Variants in ZC3H7B observed in about 807,000 individuals in gnomAD.
ZC3H7B encodes zinc finger CCCH domain-containing protein 7B.
Under a neutral mutation model 116.0 loss-of-function variants are expected in ZC3H7B, and 35 were observed. The ratio of observed to expected loss-of-function variants is 0.30; its 90% CI spans 0.23 to 0.40. ZC3H7B has a LOEUF of 0.40. Among genes scored for constraint, ZC3H7B ranks in the 10% least tolerant of loss-of-function variants. ZC3H7B has a pLI of 1.00. For synonymous variants in ZC3H7B, 502 were observed against 545.6 expected, an observed-to-expected ratio of 0.92 and a Z score of 1.11; for missense variants, 1,011 against 1,321.5, an observed-to-expected ratio of 0.77 and a Z score of 3.64.
chr22:41,305,901 C>T (rs2036035261), intron 1 of ZC3H7B, among the ~76,000 whole-genome samples: 1 of 152,126 alleles, frequency 6.6e-6, no homozygotes, highest in African/African-American at 2.4e-5. Flanking sequence ...ACACACTCAG[C>T]CATTGTGTTG....
At chr22:41,343,966 G>A (rs1363108488) in intron 13 of ZC3H7B, among the ~76,000 whole-genome samples, 2 of 152,200 alleles carry the variant, frequency 1.3e-5, no homozygotes, top group African/African-American at 4.8e-5. Context: ...CTGGCGCATG[G>A]TGAGGGCTCC....
intron 1 of ZC3H7B, among the ~76,000 whole-genome samples, chr22:41,313,779 G>C (rs567028242): frequency 6.6e-6 from 1 of 152,066 alleles, no homozygotes; most frequent in Non-Finnish European, 1.5e-5. Flanking sequence ...GTCTCTCTCT[G>C]TCGCTCAGGC....
chr22:41,305,895 A>G lies in ZC3H7B; in HGVS notation c.-7+4123A>G, dbSNP rs190863614. Among the ~76,000 whole-genome samples, 23 of 152,254 alleles carry G rather than the reference A, an allele frequency of 1.5e-4. No individual in the cohort carries two copies. The East Asian group carries it at 3.7e-3, about 24-fold the overall frequency. On this transcript the variant is annotated intron_variant, in intron 1 of 22. Coordinates refer to ENST00000352645, the MANE Select transcript of ZC3H7B (RefSeq NM_017590.6). ...CCCAGAGGCGGTGCCAGGATGACAC[A>G]CTCAGCCATTGTGTTGTCAAATTGA...
At chr22:41,353,072 T>C (rs931704832) in intron 17 of ZC3H7B, among the ~76,000 whole-genome samples, 1 of 148,930 alleles carries the variant, frequency 6.7e-6, no homozygotes, top group Non-Finnish European at 1.5e-5. Flanking sequence ...AGAGTGAGAC[T>C]CCATCTCAAA....
In ZC3H7B at chr22:41,316,592, T is replaced by TG. The variant is rs1397782703; in HGVS notation, c.-6-4061dup. Among the ~76,000 whole-genome samples, 58 of 120,470 alleles carry TG rather than the reference T, an allele frequency of 4.8e-4. 1 individual carries two copies. Among genetic ancestry groups the TG allele is most frequent in the Admixed American group, 1.5e-3 (15 of 10,040 alleles). 79.0% of individuals were successfully genotyped at this position (120,470 alleles called of 152,430 possible). A position where few individuals can be genotyped will look rare whatever the true frequency, so the allele number is the denominator to read the frequency against. Reference sequence around the variant, plus strand: ...CTTAACAGCTGTAAGCCACCACACCTGGCCTTTTTTTTTTTTTTTTTTTTG... The same window carrying TG: ...CTTAACAGCTGTAAGCCACCACACCTGGGCCTTTTTTTTTTTTTTTTTTTTG... On this transcript the variant is annotated intron_variant, in intron 1 of 22. Coordinates refer to ENST00000352645, the MANE Select transcript of ZC3H7B (RefSeq NM_017590.6).
At chr22:41,320,815 T>A in intron 2 of ZC3H7B, 102 bp downstream of exon 2, 1 of 1,513,708 alleles carries the variant, frequency 6.6e-7, no homozygotes, top group Non-Finnish European at 9.1e-7. Flanking sequence ...GCTGAGCCTT[T>A]GCTGCCAAGG....
chr22:41,348,981 G>A (rs1012109503), intron 15 of ZC3H7B, 139 bp from the exon 16 acceptor site: 24 of 946,204 alleles, frequency 2.5e-5, no homozygotes, highest in Admixed American at 4.8e-5. Context: ...GCCCTCCTGT[G>A]TCATCCATGG....
intron 11 of ZC3H7B, 92 bp downstream of exon 11, chr22:41,341,238 G>T: frequency 6.8e-7 from 1 of 1,478,848 alleles, no homozygotes; most frequent in Non-Finnish European, 9.4e-7. Flanking sequence ...CATGGGGTAA[G>T]GCACTGCATT....
intron 11 of ZC3H7B, among the ~76,000 whole-genome samples, chr22:41,342,180 A>G (rs889588091): frequency 6.6e-6 from 1 of 151,434 alleles, no homozygotes; most frequent in Non-Finnish European, 1.5e-5. Context: ...GACTTGGGGG[A>G]TTGGGGGAGG....
chr22:41,337,512 C>T (rs2145926543), intron 7 of ZC3H7B, among the ~76,000 whole-genome samples: 1 of 152,350 alleles, frequency 6.6e-6, no homozygotes, highest in Admixed American at 6.5e-5. Flanking sequence ...TTTCCTCCAG[C>T]AGGAAGGCAG....
At chr22:41,317,030 TAGAG>T (rs1408701535) in intron 1 of ZC3H7B, among the ~76,000 whole-genome samples, 5 of 152,062 alleles carry the variant, frequency 3.3e-5, no homozygotes, top group Admixed American at 6.6e-5. Context: ...GTATTCTTAG[TAGAG>T]ACAGTGTTTC....
chr22:41,324,278 G>A (rs1341904108), intron 2 of ZC3H7B, among the ~76,000 whole-genome samples: 1 of 152,164 alleles, frequency 6.6e-6, no homozygotes, highest in Non-Finnish European at 1.5e-5. Flanking sequence ...GGGCTGGTGA[G>A]CCCCGATGTC....
In ZC3H7B at chr22:41,358,803, C is replaced by G. The variant is rs1009992523; in HGVS notation, c.*1374C>G. Reference sequence around the variant, plus strand: ...TCCTCTCCACCCTACCTTCCATCAACCAGGGCAGATCCACCGTGCCCTGGT... The same window carrying G: ...TCCTCTCCACCCTACCTTCCATCAAGCAGGGCAGATCCACCGTGCCCTGGT... On this transcript the variant is annotated 3_prime_UTR_variant, in exon 23 of 23. Transcript: ENST00000352645. 6.5e-6 allele frequency: 1 copy of G among 154,824 alleles called. No homozygotes were observed. Among genetic ancestry groups the G allele is most frequent in the Admixed American group, 6.5e-5 (1 of 15,270 alleles). 9.6% of individuals were successfully genotyped at this position (154,824 alleles called of 1,614,324 possible).
intron 1 of ZC3H7B, among the ~76,000 whole-genome samples, chr22:41,311,349 T>C (rs972711305): frequency 4.6e-5 from 7 of 151,752 alleles, no homozygotes; most frequent in African/African-American, 1.7e-4. Context: ...GAGCTATGAA[T>C]AGAGTCAGGG....
intron 6 of ZC3H7B, among the ~76,000 whole-genome samples, chr22:41,330,560 A>G (rs2036368562): frequency 6.6e-6 from 1 of 152,220 alleles, no homozygotes; most frequent in Admixed American, 6.5e-5. Context: ...TGAGCAAGTT[A>G]GTTCATCTCT....
chr22:41,322,921 T>C (rs2036275489), intron 2 of ZC3H7B, among the ~76,000 whole-genome samples: 1 of 152,206 alleles, frequency 6.6e-6, no homozygotes, highest in Non-Finnish European at 1.5e-5. Context: ...CGCGTGCTGC[T>C]GTGCCCAGCG....
At chr22:41,310,416 T>C (rs900816419) in intron 1 of ZC3H7B, among the ~76,000 whole-genome samples, 4 of 152,128 alleles carry the variant, frequency 2.6e-5, no homozygotes, top group Admixed American at 2.6e-4. Flanking sequence ...AAAGCCAGTG[T>C]GGGACAGTGC....
chr22:41,346,118 C>T lies in ZC3H7B; in HGVS notation c.1575C>T (p.Leu525=), dbSNP rs772891667. 6.2e-7 allele frequency: 1 copy of T among 1,613,698 alleles called. No individual in the cohort carries two copies. Among genetic ancestry groups the T allele is most frequent in the South Asian group, 1.1e-5 (1 of 91,088 alleles). The change falls in exon 14 of 23, where the codon CTC becomes CTT. Residue 525 remains leucine, a synonymous_variant. Coordinates refer to ENST00000352645, the MANE Select transcript of ZC3H7B (RefSeq NM_017590.6). The surrounding 1 kb of genome is among the most constrained non-coding windows in gnomAD (Gnocchi z 5.3). ...ERKGTLNRDL[L]FDPLGGVKRG... ...AGGGCACCCTCAACCGCGACCTGCTCTTCGACCCGCTGGGGGGTGTTAAGC... is the reference window on the plus strand; with the variant it reads ...AGGGCACCCTCAACCGCGACCTGCTTTTCGACCCGCTGGGGGGTGTTAAGC...
At chr22:41,319,996 A>C (rs1372711104) in intron 1 of ZC3H7B, among the ~76,000 whole-genome samples, 2 of 148,768 alleles carry the variant, frequency 1.3e-5, no homozygotes, top group African/African-American at 5.0e-5. Context: ...GCATCACTGC[A>C]CTCCAGTCTG....
Sources: allele counts gnomAD v4.1 joint callset (sites outside exome capture counted in the v4.1 genomes callset), GRCh38; gene constraint gnomAD v4.1.1; non-coding constraint Gnocchi (gnomAD v3.1); transcripts MANE v1.5; gene names NCBI Gene and HGNC (gene_info 2026-07-23, HGNC 2026-07-21).